INTS11: variants seen among roughly 807,000 people sequenced by gnomAD.
The protein encoded by INTS11 is CPSF3-like protein.
In INTS11, 77 loss-of-function variants were observed where a neutral mutation model predicts 78.6. The ratio of observed to expected loss-of-function variants is 0.98; its 90% CI spans 0.81 to 1.18. INTS11 has a LOEUF of 1.18. Ranked by LOEUF, INTS11 falls within the 50% of genes most tolerant of loss-of-function variation. The pLI is 0.00. For missense variants in INTS11, 875 were observed against 825.9 expected, an observed-to-expected ratio of 1.06 and a Z score of -0.73; for synonymous variants, 441 against 326.9, an observed-to-expected ratio of 1.35 and a Z score of -3.77.
rs1642437222 is a variant in INTS11, at chr1:1,314,296, C to T, written c.767+5G>A. The stretch of plus-strand genomic sequence containing the variant: ...TCCTTAAAGAGCCGTCCTGGCGGCA[C>T]CTACCAGAAGGTCTCCAGGAGGATG... On this transcript the variant is annotated splice_donor_5th_base_variant and intron_variant, in intron 8 of 16. Transcript: ENST00000435064. This position sits in a 1 kb window ranked among gnomAD's most constrained non-coding sequence, Gnocchi z 4.2. 1.3e-6 allele frequency: 2 copies of T among 1,594,488 alleles called. No individual in the cohort carries two copies. The highest frequency in any genetic ancestry group is 1.7e-6 in the Non-Finnish European group (2 of 1,171,972).
chr1:1,323,170 G>A, intron 1 of INTS11: 2 of 1,550,166 alleles, frequency 1.3e-6, no homozygotes, highest in African/African-American at 2.7e-5. Flanking sequence ...ACCCTCCGAG[G>A]AAGCGCTCAC....
In INTS11 at chr1:1,320,537, G is replaced by C. The variant is rs372858526; in HGVS notation, c.127-8C>G. ...GAAGTCAGGGAAGCGTCGCTAGGAA[G>C]GATGTGGGGGTTTCAGGTTGCACAG... On this transcript the variant is annotated splice_region_variant and splice_polypyrimidine_tract_variant and intron_variant, in intron 2 of 16. Coordinates refer to ENST00000435064, the MANE Select transcript of INTS11 (RefSeq NM_017871.6). 5.1e-5 allele frequency: 82 copies of C among 1,613,758 alleles called. 1 individual carries two copies. In the African/African-American group the frequency reaches 1.1e-3, roughly 21 times the overall value.
At chr1:1,321,898 T>TACCCCC in intron 1 of INTS11, 5 of 1,141,984 alleles carry the variant, frequency 4.4e-6, no homozygotes, top group Non-Finnish European at 4.6e-6. Context: ...TCCCCTTGAA[T>TACCCCC]CCCACCCACC....
chr1:1,313,636 G>A, intron 9 of INTS11, 44 bp from the exon 10 acceptor site: 2 of 1,610,788 alleles, frequency 1.2e-6, no homozygotes, highest in Non-Finnish European at 1.7e-6. Flanking sequence ...GGCAGCAGAT[G>A]CCCCCACCCC....
At position 1,315,638 on chromosome 1, in the gene INTS11, G is replaced by A. The variant is rs757090332; in HGVS notation, c.430-20C>T. 11 of 1,589,970 alleles carry A rather than the reference G, an allele frequency of 6.9e-6. No homozygotes were observed. The highest frequency in any genetic ancestry group is 4.4e-5 in the South Asian group (4 of 90,510). The stretch of plus-strand genomic sequence containing the variant: ...ATCTACCTGTGGAGGACAGGGCTGC[G>A]CTCAGGCTGTGTCCTCACAGCAGAG... On this transcript the variant is annotated intron_variant, in intron 4 of 16. Coordinates refer to ENST00000435064, the MANE Select transcript of INTS11 (RefSeq NM_017871.6).
intron 6 of INTS11, 99 bp downstream of exon 6, chr1:1,315,305 C>A (rs184539144): frequency 5.6e-6 from 8 of 1,438,166 alleles, no homozygotes; most frequent in Non-Finnish European, 7.8e-6. Flanking sequence ...ATGGGAGACA[C>A]TGCCAGGCTG....
At position 1,319,102 on chromosome 1, in the gene INTS11, C is replaced by T. The variant is rs561287725; in HGVS notation, c.429+194G>A. 2.5e-4 allele frequency: 192 copies of T among 753,256 alleles called. No homozygotes were observed. The African/African-American group carries it at 3.0e-3, about 12-fold the overall frequency. The allele number at this position is 753,256 out of a possible 1,614,324, so 46.7% of individuals were successfully genotyped here. A position where few individuals can be genotyped will look rare whatever the true frequency, so the allele number is the denominator to read the frequency against. ...CCCTGCACGTGCTCTCCCGGGTCGG[C>T]GCCCAGTCTGGTCTGGGACCCGCAT... On this transcript the variant is annotated intron_variant, in intron 4 of 16. Coordinates refer to ENST00000435064, the MANE Select transcript of INTS11 (RefSeq NM_017871.6).
At chr1:1,322,641 G>C (rs1643017062) in intron 1 of INTS11, 1 of 126,522 alleles carries the variant, frequency 7.9e-6, no homozygotes, top group African/African-American at 3.1e-5. Context: ...CAGGCAGCAG[G>C]GAGGGACAGG....
chr1:1,324,492 C>T, intron 1 of INTS11, 89 bp downstream of exon 1: 1 of 1,391,930 alleles, frequency 7.2e-7, no homozygotes, highest in Non-Finnish European at 9.9e-7. Context: ...CACCTGGCTC[C>T]ACGAGAAACG....
intron 1 of INTS11, chr1:1,321,977 G>C: frequency 7.5e-7 from 1 of 1,337,888 alleles, no homozygotes; most frequent in Non-Finnish European, 9.7e-7. Context: ...CCACAGCCGA[G>C]GGGCTGCCTG....
intron 1 of INTS11, chr1:1,321,778 C>T: frequency 1.6e-6 from 1 of 618,672 alleles, no homozygotes; most frequent in Non-Finnish European, 2.5e-6. Flanking sequence ...AGGCCTTGGC[C>T]AGCCAAGGCA....
At chr1:1,319,752 C>T (rs1642836198) in intron 3 of INTS11, 7 of 554,598 alleles carry the variant, frequency 1.3e-5, no homozygotes, top group South Asian at 2.3e-5. Context: ...TCGGTGACGG[C>T]GACATGCTCG....
intron 1 of INTS11, among the ~76,000 whole-genome samples, chr1:1,324,058 G>A (rs1250274640): frequency 1.6e-5 from 1 of 64,026 alleles, no homozygotes; most frequent in Non-Finnish European, 3.3e-5. Context: ...CTGGGGGGCT[G>A]AGGGACTGAG....
chr1:1,324,344 C>T (rs1643206398), intron 1 of INTS11, among the ~76,000 whole-genome samples: 1 of 152,124 alleles, frequency 6.6e-6, no homozygotes, highest in East Asian at 1.9e-4. Context: ...CCATCTGCGA[C>T]GTCCCCTCAC....
intron 4 of INTS11, chr1:1,317,383 G>C (rs1365125320): frequency 1.4e-6 from 1 of 718,996 alleles, no homozygotes; most frequent in African/African-American, 2.0e-5. Flanking sequence ...CAATGAGAGC[G>C]AAACTCCATC....
At chr1:1,321,259 C>T (rs1451258997) in intron 1 of INTS11, among the ~76,000 whole-genome samples, 166 bp from the exon 2 acceptor site, 2 of 152,194 alleles carry the variant, frequency 1.3e-5, no homozygotes, top group African/African-American at 4.8e-5. Context: ...GGAAGGGGGA[C>T]ACAGGGGACC....
chr1:1,323,265 C>T, intron 1 of INTS11: 2 of 1,550,366 alleles, frequency 1.3e-6, no homozygotes, highest in Non-Finnish European at 1.7e-6. Context: ...GGACCAGGTT[C>T]CAGGACAGCA....
chr1:1,324,276 G>T (rs1055874680), intron 1 of INTS11, among the ~76,000 whole-genome samples: 2 of 152,020 alleles, frequency 1.3e-5, no homozygotes, highest in Admixed American at 1.3e-4. Flanking sequence ...GCAGCGCGCG[G>T]CACGGGGAGG....
chr1:1,312,676 T>C lies in INTS11; in HGVS notation c.1319A>G (p.Asn440Ser), dbSNP rs759287278. 9 of 1,595,094 alleles carry C rather than the reference T, an allele frequency of 5.6e-6. No homozygotes were observed. Among genetic ancestry groups the C allele is most frequent in the South Asian group, 1.1e-5 (1 of 89,576 alleles). ...TGTGGGCAGCGTCACCGTCTCGCCA[T>C]TGGCCGGCATGTAGCAGTTGACCCC... ...ELRVNCYMPA[N>S]GETVTLPTSP... The change falls in exon 13 of 17, where the codon AAT becomes AGT. Residue 440 changes from asparagine (N) to serine (S), a missense_variant. Transcript: ENST00000435064.
Sources: allele counts gnomAD v4.1 joint callset (sites outside exome capture counted in the v4.1 genomes callset), GRCh38; gene constraint gnomAD v4.1.1; non-coding constraint Gnocchi (gnomAD v3.1); transcripts MANE v1.5; gene names NCBI Gene and HGNC (gene_info 2026-07-23, HGNC 2026-07-21).